TMEM11: variants seen among roughly 807,000 people sequenced by gnomAD.
The protein encoded by TMEM11 is transmembrane protein 11, mitochondrial.
Under a neutral mutation model 17.0 loss-of-function variants are expected in TMEM11, and 1 was observed. That is an observed-to-expected ratio of 0.06 (90% CI 0.02 to 0.28). The LOEUF is 0.28. Ranked by LOEUF, TMEM11 falls within the 10% of genes least tolerant of loss-of-function variation. The pLI is 1.00. For synonymous variants in TMEM11, 122 were observed against 118.1 expected (o/e 1.03, Z -0.21); for missense variants, 172 against 252.9 (o/e 0.68, Z 2.17).
At chr17:21,207,941 T>G (rs896724492) in intron 1 of TMEM11, among the ~76,000 whole-genome samples, 1 of 151,758 alleles carries the variant, frequency 6.6e-6, no homozygotes, top group African/African-American at 2.4e-5. Context: ...GGTGGCCTAA[T>G]AGGTGACTTG....
At chr17:21,202,516 C>T (rs1467948114) in intron 1 of TMEM11, among the ~76,000 whole-genome samples, 1 of 152,194 alleles carries the variant, frequency 6.6e-6, no homozygotes, top group African/African-American at 2.4e-5. Flanking sequence ...GGTCCTGGAA[C>T]CGACTGCCCC....
intron 1 of TMEM11, among the ~76,000 whole-genome samples, chr17:21,199,613 TC>T (rs891479453): frequency 3.9e-5 from 6 of 152,174 alleles, no homozygotes; most frequent in African/African-American, 1.4e-4. Flanking sequence ...GCCCTTGCCC[TC>T]CGCACGTTTC....
chr17:21,211,890 C>T (rs1975006688), intron 1 of TMEM11, among the ~76,000 whole-genome samples: 1 of 152,200 alleles, frequency 6.6e-6, no homozygotes, highest in Non-Finnish European at 1.5e-5. Flanking sequence ...TTTAGAGAGC[C>T]ATAAACAGCC....
At chr17:21,211,646 C>T (rs1975004461) in intron 1 of TMEM11, among the ~76,000 whole-genome samples, 1 of 152,220 alleles carries the variant, frequency 6.6e-6, no homozygotes, top group South Asian at 2.1e-4. Context: ...CAGTCTGGCA[C>T]TGGGTGGGAC....
At chr17:21,213,951 TG>T in intron 1 of TMEM11, 139 bp downstream of exon 1, 1 of 809,596 alleles carries the variant, frequency 1.2e-6, no homozygotes, top group Non-Finnish European at 1.9e-6. Flanking sequence ...CCTCCGGAAC[TG>T]GAACCCAGTA....
intron 1 of TMEM11, among the ~76,000 whole-genome samples, chr17:21,204,588 T>C (rs937390747): frequency 1.3e-5 from 2 of 152,104 alleles, no homozygotes; most frequent in Admixed American, 6.6e-5. Flanking sequence ...TATTTGCTTT[T>C]ATATGCACAG....
intron 1 of TMEM11, among the ~76,000 whole-genome samples, chr17:21,207,550 C>G (rs1343548833): frequency 6.6e-6 from 1 of 150,846 alleles, no homozygotes; most frequent in Non-Finnish European, 1.5e-5. Flanking sequence ...TTAAAAACCC[C>G]TAAGGCAAGA....
At chr17:21,213,842 C>T (rs1456622759) in intron 1 of TMEM11, 2 of 524,490 alleles carry the variant, frequency 3.8e-6, no homozygotes, top group African/African-American at 4.1e-5. Flanking sequence ...CGGGCCCCGC[C>T]CCGCATGGCC....
intron 1 of TMEM11, among the ~76,000 whole-genome samples, chr17:21,210,232 C>T (rs917749567): frequency 5.3e-5 from 8 of 152,068 alleles, no homozygotes; most frequent in African/African-American, 1.9e-4. Context: ...CTTGAGTGAA[C>T]CAAGGAAAAC....
intron 1 of TMEM11, among the ~76,000 whole-genome samples, chr17:21,204,252 G>A (rs527697788): frequency 3.3e-5 from 5 of 151,500 alleles, no homozygotes; most frequent in South Asian, 2.1e-4. Flanking sequence ...TGGCTAACAC[G>A]GTGAAACCCT....
intron 1 of TMEM11, among the ~76,000 whole-genome samples, chr17:21,199,192 G>A (rs751835487): frequency 4.6e-5 from 7 of 151,776 alleles, no homozygotes; most frequent in African/African-American, 9.7e-5. Flanking sequence ...GTGTGGTGGC[G>A]CATGCCTATA....
At chr17:21,204,960 G>A (rs532008822) in intron 1 of TMEM11, among the ~76,000 whole-genome samples, 1 of 152,232 alleles carries the variant, frequency 6.6e-6, no homozygotes, top group Non-Finnish European at 1.5e-5. Context: ...ATAGCTTGCA[G>A]GCACTCATAA....
chr17:21,211,918 C>T (rs533533014), intron 1 of TMEM11, among the ~76,000 whole-genome samples: 2 of 152,294 alleles, frequency 1.3e-5, no homozygotes, highest in African/African-American at 2.4e-5. Context: ...GTCATAAGAG[C>T]CAATAATACA....
At chr17:21,203,450 C>T (rs760466851) in intron 1 of TMEM11, among the ~76,000 whole-genome samples, 1 of 152,210 alleles carries the variant, frequency 6.6e-6, no homozygotes, top group Non-Finnish European at 1.5e-5. Context: ...GGTGCGGTGG[C>T]TCACGCCTGT....
intron 1 of TMEM11, among the ~76,000 whole-genome samples, chr17:21,211,421 T>C (rs925690615): frequency 2.6e-5 from 4 of 152,258 alleles, no homozygotes; most frequent in African/African-American, 9.6e-5. Flanking sequence ...GAAATGTGGC[T>C]AGTGAGACTG....
intron 1 of TMEM11, chr17:21,210,991 C>G (rs527350870): frequency 1.8e-4 from 233 of 1,289,608 alleles, no homozygotes; most frequent in Non-Finnish European, 2.2e-4. Context: ...ACAGTGAAGC[C>G]GAGCAGCCCA....
intron 1 of TMEM11, among the ~76,000 whole-genome samples, chr17:21,209,041 T>C (rs1308332582): frequency 2.6e-5 from 4 of 152,214 alleles, no homozygotes; most frequent in Admixed American, 2.0e-4. Context: ...AGCAGAGGAC[T>C]GAAGCAGTGA....
chr17:21,207,172 A>T (rs1466945704), intron 1 of TMEM11, among the ~76,000 whole-genome samples: 2 of 152,200 alleles, frequency 1.3e-5, no homozygotes, highest in Admixed American at 1.3e-4. Context: ...ATGCTGTGGC[A>T]TGTTTATTAC....
At chr17:21,201,028 G>C (rs955125956) in intron 1 of TMEM11, among the ~76,000 whole-genome samples, 2 of 152,230 alleles carry the variant, frequency 1.3e-5, no homozygotes, top group African/African-American at 4.8e-5. Flanking sequence ...AAAAAGAACA[G>C]GCAATCGTAG....
Sources: gnomAD v4.1 joint callset for allele counts (sites outside exome capture counted in the v4.1 genomes callset) on GRCh38, gnomAD v4.1.1 for gene constraint, MANE v1.5 for transcripts, NCBI Gene and HGNC (gene_info 2026-07-23, HGNC 2026-07-21) for gene names.